Variants in NCAM2 observed in about 807,000 individuals in gnomAD.
NCAM2 encodes the protein neural cell adhesion molecule 2, also known as N-CAM-2.
NCAM2 carries 30 observed loss-of-function variants against 98.1 expected under a neutral mutation model. That is an observed-to-expected ratio of 0.31 (90% CI 0.23 to 0.41). The LOEUF is 0.41. Ranked by LOEUF, NCAM2 falls within the 10% of genes least tolerant of loss-of-function variation. NCAM2 has a pLI of 1.00. For synonymous variants in NCAM2, 368 were observed against 342.4 expected (o/e 1.07, Z -0.83); for missense variants, 867 against 1,005.8 (o/e 0.86, Z 1.87).
At chr21:21,155,762 G>T (rs1212556521) in intron 1 of NCAM2, among the ~76,000 whole-genome samples, 1 of 151,886 alleles carries the variant, frequency 6.6e-6, no homozygotes, top group Non-Finnish European at 1.5e-5. Flanking sequence ...TAGTTTGACT[G>T]TATTTTTACA....
At chr21:21,039,148 A>C (rs1204488797) in intron 1 of NCAM2, among the ~76,000 whole-genome samples, 2 of 152,116 alleles carry the variant, frequency 1.3e-5, no homozygotes, top group Non-Finnish European at 2.9e-5. Flanking sequence ...ATTTCTTCTA[A>C]CTATATGTTT....
chr21:21,249,683 T>C (rs888776910), intron 1 of NCAM2, among the ~76,000 whole-genome samples: 3 of 32,262 alleles, frequency 9.3e-5, no homozygotes, highest in Non-Finnish European at 1.7e-4. Flanking sequence ...TATTTATTTA[T>C]TTATTTGTTT....
intron 11 of NCAM2, among the ~76,000 whole-genome samples, chr21:21,428,026 G>A (rs925631640): frequency 6.6e-6 from 1 of 152,218 alleles, no homozygotes; most frequent in Non-Finnish European, 1.5e-5. Context: ...ATTAAGTGCT[G>A]TAGTTGACAA....
chr21:21,412,995 G>A (rs2076918523), intron 10 of NCAM2, among the ~76,000 whole-genome samples: 1 of 152,004 alleles, frequency 6.6e-6, no homozygotes, highest in African/African-American at 2.4e-5. Flanking sequence ...TAAATTTATT[G>A]AATTGTTTTA....
At chr21:21,321,933 T>G (rs1399134184) in intron 5 of NCAM2, among the ~76,000 whole-genome samples, 3 of 152,176 alleles carry the variant, frequency 2.0e-5, no homozygotes, top group Non-Finnish European at 4.4e-5. Flanking sequence ...TAAGCAGAAC[T>G]GCCATTTGAG....
intron 9 of NCAM2, among the ~76,000 whole-genome samples, chr21:21,393,420 G>A (rs913979351): frequency 5.9e-5 from 9 of 151,978 alleles, no homozygotes; most frequent in African/African-American, 1.5e-4. Context: ...ATACTAGGGC[G>A]ATCAATGCTA....
At chr21:21,467,466 C>A (rs926071778) in intron 13 of NCAM2, among the ~76,000 whole-genome samples, 6 of 97,054 alleles carry the variant, frequency 6.2e-5, no homozygotes, top group African/African-American at 2.2e-4. Flanking sequence ...AAAATGGCTG[C>A]AATATATTAT....
intron 1 of NCAM2, among the ~76,000 whole-genome samples, chr21:21,208,772 ATTC>A (rs1415668855): frequency 6.6e-6 from 1 of 152,208 alleles, no homozygotes; most frequent in Non-Finnish European, 1.5e-5. Flanking sequence ...TGACAATTTA[ATTC>A]TTAAAACTCC....
chr21:21,010,386 A>C (rs2064187314), intron 1 of NCAM2, among the ~76,000 whole-genome samples: 1 of 152,122 alleles, frequency 6.6e-6, no homozygotes. Context: ...GTTCAACTTT[A>C]CTGTGCTCGT....
chr21:21,391,907 A>G (rs964965086), intron 9 of NCAM2, among the ~76,000 whole-genome samples: 2 of 152,042 alleles, frequency 1.3e-5, no homozygotes, highest in African/African-American at 2.4e-5. Flanking sequence ...GCAATTATCA[A>G]TGAGTTCAGT....
At chr21:21,002,225 T>C (rs1431128822) in intron 1 of NCAM2, among the ~76,000 whole-genome samples, 1 of 152,150 alleles carries the variant, frequency 6.6e-6, no homozygotes, top group East Asian at 1.9e-4. Context: ...TTTCTCACTT[T>C]TAATGCAGAA....
intron 16 of NCAM2, among the ~76,000 whole-genome samples, chr21:21,530,490 TTCC>T (rs1989630039): frequency 6.6e-6 from 1 of 150,642 alleles, no homozygotes; most frequent in African/African-American, 2.4e-5. Flanking sequence ...TAATATTTTT[TTCC>T]TTCCTTCCCA....
chr21:21,522,353 C>T (rs1989069093), intron 16 of NCAM2, among the ~76,000 whole-genome samples: 1 of 149,706 alleles, frequency 6.7e-6, no homozygotes, highest in Non-Finnish European at 1.5e-5. Flanking sequence ...AGCAAGAGAG[C>T]CAGAGGTAAA....
chr21:21,526,596 A>T (rs189338227), intron 16 of NCAM2, among the ~76,000 whole-genome samples: 1 of 152,248 alleles, frequency 6.6e-6, no homozygotes, highest in Non-Finnish European at 1.5e-5. Flanking sequence ...CAAAATCACA[A>T]GTCATTATAT....
chr21:21,037,079 G>A (rs542766880), intron 1 of NCAM2, among the ~76,000 whole-genome samples: 1 of 152,218 alleles, frequency 6.6e-6, no homozygotes, highest in East Asian at 1.9e-4. Context: ...CACCTAGGCT[G>A]GAGTGCAATG....
intron 12 of NCAM2, among the ~76,000 whole-genome samples, chr21:21,454,886 A>T (rs904976171): frequency 4.6e-5 from 7 of 151,964 alleles, no homozygotes; most frequent in African/African-American, 7.2e-5. Context: ...TATATAACAG[A>T]AACAGGTTGC....
At chr21:21,138,885 G>A (rs530088213) in intron 1 of NCAM2, among the ~76,000 whole-genome samples, 3 of 152,190 alleles carry the variant, frequency 2.0e-5, no homozygotes, top group African/African-American at 7.2e-5. Flanking sequence ...AGTCATTGAA[G>A]TAATTTTTTG....
intron 5 of NCAM2, 76 bp downstream of exon 5, chr21:21,292,317 A>G (rs2073328191): frequency 4.2e-6 from 6 of 1,417,950 alleles, no homozygotes; most frequent in Admixed American, 4.0e-5. Flanking sequence ...AACCATGTGA[A>G]CTCAAAATAC....
At chr21:21,216,521 T>C (rs2069906879) in intron 1 of NCAM2, among the ~76,000 whole-genome samples, 1 of 152,242 alleles carries the variant, frequency 6.6e-6, no homozygotes, top group Non-Finnish European at 1.5e-5. Context: ...GGTGTTCTAA[T>C]ACTTGCTCTC....
Sources: allele counts gnomAD v4.1 joint callset (sites outside exome capture counted in the v4.1 genomes callset), GRCh38; gene constraint gnomAD v4.1.1; transcripts MANE v1.5; gene names NCBI Gene and HGNC (gene_info 2026-07-23, HGNC 2026-07-21).